Variants in GABRA1 observed in about 807,000 individuals in gnomAD.
The protein encoded by GABRA1 is gamma-aminobutyric acid type A receptor subunit alpha1.
In GABRA1, 9 loss-of-function variants were observed where a neutral mutation model predicts 48.9. The ratio of observed to expected loss-of-function variants is 0.18; its 90% CI spans 0.11 to 0.32. The LOEUF is 0.32. Among genes scored for constraint, GABRA1 ranks in the 10% least tolerant of loss-of-function variants. The probability of loss-of-function intolerance (pLI) is 1.00; values close to 1 mark genes in which losing one functional copy is unlikely to be tolerated. For missense variants in GABRA1, 285 were observed against 553.8 expected (o/e 0.51, Z 4.87); for synonymous variants, 210 against 198.7 (o/e 1.06, Z -0.48).
intron 6 of GABRA1, among the ~76,000 whole-genome samples, chr5:161,876,986 G>A (rs555403562): frequency 6.6e-6 from 1 of 152,212 alleles, no homozygotes; most frequent in South Asian, 2.1e-4. Flanking sequence ...CATGGCTGGA[G>A]TCCAGTGGCA....
Position 161,883,206 on chromosome 5 carries a change from A to G in GABRA1, c.703+505A>G, listed in dbSNP as rs543096640. Among the ~76,000 whole-genome samples the G allele has an allele frequency of 5.9e-5, 9 of 152,314 alleles. No homozygotes were observed. The East Asian group carries it at 1.7e-3, about 29-fold the overall frequency. Reference sequence around the variant, plus strand: ...TAGCAGTGATTATTACACGCAGGACATCAAAAAGCCAATTCCTTCTACAAA... The same window carrying G: ...TAGCAGTGATTATTACACGCAGGACGTCAAAAAGCCAATTCCTTCTACAAA... On this transcript the variant is annotated intron_variant, in intron 7 of 9. Coordinates refer to ENST00000393943, the MANE Select transcript of GABRA1 (RefSeq NM_001127644.2).
Position 161,848,240 on chromosome 5 carries a change from AG to A in GABRA1, c.-196del, listed in dbSNP as rs1472032405. On this transcript the variant is annotated 5_prime_UTR_variant, in exon 1 of 10. Transcript: ENST00000393943. ...AATTTGGGTGTGAAATCTTCAGCAA[AG>A]GAGCACGCAGAGTCCATGATGGCTC... is the stretch of plus-strand genomic sequence containing the variant. 1.3e-5 allele frequency: 2 copies of A among 152,286 alleles called. No individual in the cohort carries two copies. Among genetic ancestry groups the A allele is most frequent in the East Asian group, 3.9e-4 (2 of 5,146 alleles). The allele number at this position is 152,286 out of a possible 1,614,324, so 9.4% of individuals were successfully genotyped here.
chr5:161,873,086 G>T, intron 4 of GABRA1, 31 bp from the exon 5 acceptor site: 1 of 1,511,854 alleles, frequency 6.6e-7, no homozygotes, highest in South Asian at 1.1e-5. Flanking sequence ...ACAGCACAGT[G>T]AACTCTTCGT....
chr5:161,881,505 G>A (rs753332099), intron 6 of GABRA1, among the ~76,000 whole-genome samples: 1 of 152,154 alleles, frequency 6.6e-6, no homozygotes, highest in Non-Finnish European at 1.5e-5. Flanking sequence ...ATTGAGAAGA[G>A]TGATAGAATG....
At chr5:161,884,994 G>A (rs1031351036) in intron 7 of GABRA1, among the ~76,000 whole-genome samples, 1 of 152,120 alleles carries the variant, frequency 6.6e-6, no homozygotes, top group African/African-American at 2.4e-5. Context: ...AGAGACAGTG[G>A]CCCAACCCAT....
intron 1 of GABRA1, among the ~76,000 whole-genome samples, chr5:161,849,248 T>C (rs951207419): frequency 6.6e-6 from 1 of 152,214 alleles, no homozygotes; most frequent in African/African-American, 2.4e-5. Context: ...TGCTGTGTTT[T>C]GTTTACCCAT....
At chr5:161,893,048 T>TAATAATAATAAAAAAAA (rs5872733) in intron 8 of GABRA1, among the ~76,000 whole-genome samples, 14 of 142,008 alleles carry the variant, frequency 9.9e-5, no homozygotes, top group South Asian at 6.6e-4. Context: ...ATAATAATAA[T>TAATAATAATAAAAAAAA]AAAATAAACA....
intron 7 of GABRA1, among the ~76,000 whole-genome samples, chr5:161,887,915 A>G (rs1408607669): frequency 1.3e-5 from 2 of 152,072 alleles, no homozygotes; most frequent in Non-Finnish European, 2.9e-5. Context: ...CAAATCGGGA[A>G]ACTGTAGCCA....
chr5:161,866,695 T>C (rs529947869), intron 4 of GABRA1, among the ~76,000 whole-genome samples: 1 of 152,248 alleles, frequency 6.6e-6, no homozygotes, highest in African/African-American at 2.4e-5. Context: ...TTTTATCTGG[T>C]GTTTTCACAA....
intron 3 of GABRA1, among the ~76,000 whole-genome samples, chr5:161,861,621 A>T (rs1455799059): frequency 6.6e-6 from 1 of 151,844 alleles, no homozygotes; most frequent in Non-Finnish European, 1.5e-5. Context: ...GCCAAAACTA[A>T]GTAGCTCTAC....
At chr5:161,855,953 A>G (rs939031462) in intron 3 of GABRA1, among the ~76,000 whole-genome samples, 1 of 151,394 alleles carries the variant, frequency 6.6e-6, no homozygotes, top group African/African-American at 2.4e-5. Flanking sequence ...ATCATCTTCA[A>G]TTTATTAAAT....
chr5:161,856,273 A>C (rs1757640197), intron 3 of GABRA1, among the ~76,000 whole-genome samples: 1 of 151,432 alleles, frequency 6.6e-6, no homozygotes, highest in African/African-American at 2.4e-5. Context: ...ACATTAATTC[A>C]TACTGCCACA....
chr5:161,865,731 C>G lies in GABRA1; in HGVS notation c.198C>G (p.Thr66=), dbSNP rs770208588. The G allele has an allele frequency of 1.9e-6, 3 of 1,612,800 alleles. No individual in the cohort carries two copies. The South Asian group carries it at 3.3e-5, about 18-fold the overall frequency. The change falls in exon 4 of 10, where the codon ACC becomes ACG. Residue 66 remains threonine, a synonymous_variant. Coordinates refer to ENST00000393943, the MANE Select transcript of GABRA1 (RefSeq NM_001127644.2). ...RLRPGLGERV[T]EVKTDIFVTS... The stretch of plus-strand genomic sequence containing the variant: ...TTCCTGCTTCAACAGAGCGTGTAAC[C>G]GAAGTGAAGACTGATATCTTCGTCA...
At chr5:161,875,720 G>A (rs868264330) in intron 6 of GABRA1, 78 bp downstream of exon 6, 70 of 1,089,792 alleles carry the variant, frequency 6.4e-5, no homozygotes, top group Middle Eastern at 5.9e-4. Flanking sequence ...TGAGAAAAAC[G>A]CGTAGATAAG....
chr5:161,874,898 A>G lies in GABRA1; in HGVS notation c.477-662A>G, dbSNP rs578234331. ...TTAGCAATCCAAAAAAAAACAAAAC[A>G]AAACAAGAATAGATTTCACATCCAC... On this transcript the variant is annotated intron_variant, in intron 5 of 9. Coordinates refer to ENST00000393943, the MANE Select transcript of GABRA1 (RefSeq NM_001127644.2). Among the ~76,000 whole-genome samples, 6 of 152,264 alleles carry G rather than the reference A, an allele frequency of 3.9e-5. No individual in the cohort carries two copies. In the East Asian group the frequency reaches 9.7e-4, roughly 24 times the overall value.
intron 3 of GABRA1, among the ~76,000 whole-genome samples, chr5:161,862,091 T>G (rs1053848837): frequency 6.6e-6 from 1 of 151,860 alleles, no homozygotes; most frequent in African/African-American, 2.4e-5. Flanking sequence ...ATTCATTCCC[T>G]CCTCCATTTT....
intron 4 of GABRA1, 112 bp from the exon 5 acceptor site, chr5:161,873,005 C>A (rs763364948): frequency 5.0e-6 from 4 of 799,286 alleles, no homozygotes; most frequent in Admixed American, 1.7e-5. Flanking sequence ...AAAACATCAC[C>A]TAGCTAACAT....
chr5:161,857,386 T>C (rs1474245379), intron 3 of GABRA1, among the ~76,000 whole-genome samples: 1 of 151,568 alleles, frequency 6.6e-6, no homozygotes, highest in East Asian at 1.9e-4. Context: ...AAACACACAC[T>C]GCATCAGAAG....
Position 161,850,223 on chromosome 5 carries a change from G to A in GABRA1, c.-15-573G>A, listed in dbSNP as rs867124196. The A allele has an allele frequency of 2.5e-5, 4 of 159,938 alleles. No individual in the cohort carries two copies. The South Asian group carries it at 6.0e-4, about 24-fold the overall frequency. 9.9% of individuals were successfully genotyped at this position (159,938 alleles called of 1,614,324 possible). ...AGTCACAGGAACAGAATAAAAGCAC[G>A]ACTCCGGCATTCAACAGTGTGTTTC... is the stretch of plus-strand genomic sequence containing the variant. On this transcript the variant is annotated intron_variant, in intron 1 of 9. Transcript: ENST00000393943.
Sources: gnomAD v4.1 joint callset for allele counts (sites outside exome capture counted in the v4.1 genomes callset) on GRCh38, gnomAD v4.1.1 for gene constraint, MANE v1.5 for transcripts, NCBI Gene and HGNC (gene_info 2026-07-23, HGNC 2026-07-21) for gene names.